Variants in TRPM3 observed in about 807,000 individuals in gnomAD.
The protein encoded by TRPM3 is transient receptor potential cation channel subfamily M member 3, also known as long transient receptor potential channel 3.
TRPM3 carries 77 observed loss-of-function variants against 181.2 expected under a neutral mutation model. The observed-to-expected ratio is 0.42, with a 90% CI of 0.35 to 0.51. The LOEUF (loss-of-function observed/expected upper bound fraction) is 0.51, where lower values mean the gene tolerates loss of function less well. TRPM3 is among the 20% of genes least tolerant of loss of function. The probability of loss-of-function intolerance (pLI) is 0.01; values close to 1 mark genes in which losing one functional copy is unlikely to be tolerated. For synonymous variants in TRPM3, 745 were observed against 796.4 expected, an observed-to-expected ratio of 0.94 and a Z score of 1.09; for missense variants, 1,759 against 2,196.7, an observed-to-expected ratio of 0.80 and a Z score of 3.98.
At chr9:70,644,593 C>T (rs2058535115) in intron 9 of TRPM3, among the ~76,000 whole-genome samples, 1 of 152,106 alleles carries the variant, frequency 6.6e-6, no homozygotes, top group African/African-American at 2.4e-5. Context: ...AAACCCACAG[C>T]CAATATCATA....
intron 5 of TRPM3, among the ~76,000 whole-genome samples, chr9:70,839,561 C>T (rs186605463): frequency 1.3e-5 from 2 of 152,144 alleles, no homozygotes; most frequent in South Asian, 2.1e-4. Context: ...TGAGAGCCAG[C>T]CCCACAAAAA....
intron 1 of TRPM3, among the ~76,000 whole-genome samples, chr9:71,348,869 C>A (rs1588613641): frequency 6.6e-6 from 1 of 152,252 alleles, no homozygotes; most frequent in Admixed American, 6.5e-5. Context: ...CTGTGCCCAG[C>A]CAGTTTTGAT....
intron 20 of TRPM3, among the ~76,000 whole-genome samples, chr9:70,598,983 C>T (rs2059445465): frequency 6.6e-6 from 1 of 152,158 alleles, no homozygotes. Flanking sequence ...CTTCCTTCAT[C>T]TCAGTAAACA....
At chr9:70,744,435 G>A (rs967891119) in intron 8 of TRPM3, among the ~76,000 whole-genome samples, 1 of 152,080 alleles carries the variant, frequency 6.6e-6, no homozygotes, top group African/African-American at 2.4e-5. Flanking sequence ...GTTCTGATGA[G>A]CTAGCATAAT....
intron 1 of TRPM3, among the ~76,000 whole-genome samples, chr9:71,369,879 GCT>G (rs1388482893): frequency 1.3e-5 from 2 of 152,170 alleles, no homozygotes; most frequent in Non-Finnish European, 2.9e-5. Flanking sequence ...AAGTCCAGCA[GCT>G]CTCTTTTTCC....
At chr9:71,179,264 C>A (rs2077266724) in intron 1 of TRPM3, among the ~76,000 whole-genome samples, 1 of 152,012 alleles carries the variant, frequency 6.6e-6, no homozygotes, top group African/African-American at 2.4e-5. Flanking sequence ...CACACTGGAC[C>A]TAAAAGAATT....
intron 1 of TRPM3, among the ~76,000 whole-genome samples, chr9:70,995,419 T>C (rs2134171861): frequency 6.6e-6 from 1 of 152,310 alleles, no homozygotes; most frequent in South Asian, 2.1e-4. Flanking sequence ...TGTTAGGTGA[T>C]TACTTTTAAA....
chr9:70,671,773 A>G (rs151214795), intron 9 of TRPM3, among the ~76,000 whole-genome samples: 57 of 152,048 alleles, frequency 3.7e-4, no homozygotes, highest in South Asian at 2.3e-3. Flanking sequence ...TTATTTATTT[A>G]TTCATTTTTG....
At chr9:71,044,937 C>G (rs1263891925) in intron 1 of TRPM3, among the ~76,000 whole-genome samples, 2 of 152,150 alleles carry the variant, frequency 1.3e-5, no homozygotes, top group African/African-American at 4.8e-5. Context: ...TCCCAAAGTG[C>G]TGGGATTACA....
At chr9:71,349,885 T>C (rs935051442) in intron 1 of TRPM3, among the ~76,000 whole-genome samples, 42 of 151,658 alleles carry the variant, frequency 2.8e-4, no homozygotes, top group Middle Eastern at 3.4e-3. Flanking sequence ...AAGCCTGGGA[T>C]CCATCACTCC....
intron 8 of TRPM3, among the ~76,000 whole-genome samples, chr9:70,746,281 G>C (rs2075141860): frequency 6.6e-6 from 1 of 152,130 alleles, no homozygotes; most frequent in East Asian, 1.9e-4. Flanking sequence ...GAGAGAGAGA[G>C]AGAGAGAGAG....
At chr9:70,618,584 A>G (rs2063144117) in intron 17 of TRPM3, among the ~76,000 whole-genome samples, 1 of 152,224 alleles carries the variant, frequency 6.6e-6, no homozygotes, top group Non-Finnish European at 1.5e-5. Flanking sequence ...CAGCCCCTGC[A>G]GTACCTGTGC....
intron 1 of TRPM3, among the ~76,000 whole-genome samples, chr9:71,007,462 G>A (rs1564957500): frequency 6.6e-6 from 1 of 152,158 alleles, no homozygotes; most frequent in East Asian, 1.9e-4. Context: ...AAAACTGTAT[G>A]TAAGGTCAGA....
chr9:70,838,304 C>T lies in TRPM3; in HGVS notation c.801+4699G>A, dbSNP rs183243162. Among the ~76,000 whole-genome samples the T allele has an allele frequency of 4.6e-5, 7 of 152,050 alleles. No individual in the cohort carries two copies. The East Asian group carries it at 9.7e-4, about 21-fold the overall frequency. On this transcript the variant is annotated intron_variant, in intron 5 of 25. Coordinates refer to ENST00000677713, the MANE Select transcript of TRPM3 (RefSeq NM_001366145.2). Reference sequence around the variant, plus strand: ...TATGTTGAAATTCAAATTTCCAAGGCGATAATGAGGAGAGGGGACCTTTGG... The same window carrying T: ...TATGTTGAAATTCAAATTTCCAAGGTGATAATGAGGAGAGGGGACCTTTGG...
intron 9 of TRPM3, among the ~76,000 whole-genome samples, chr9:70,679,566 G>T (rs1556958): frequency 0.65 from 98,525 of 151,502 alleles, 32,335 homozygotes; most frequent in African/African-American, 0.74. Context: ...AAAGGGATGC[G>T]TTTTTTATCT....
chr9:70,915,548 G>A lies in TRPM3; in HGVS notation c.178-51037C>T, dbSNP rs577237572. On this transcript the variant is annotated intron_variant, in intron 1 of 25. Transcript: ENST00000677713. ...TCTTGATCTCCTGACTTTGTGATCT[G>A]CCCGCCTTGGCCTCCCACAGTGCTG... Among the ~76,000 whole-genome samples the A allele has an allele frequency of 5.3e-5, 8 of 151,180 alleles. No individual in the cohort carries two copies. In the South Asian group the frequency reaches 6.3e-4, roughly 12 times the overall value.
At chr9:71,288,374 CAT>C (rs1486009698) in intron 1 of TRPM3, among the ~76,000 whole-genome samples, 1 of 151,964 alleles carries the variant, frequency 6.6e-6, no homozygotes, top group East Asian at 1.9e-4. Flanking sequence ...CATTATTTTT[CAT>C]ATGTGTATAT....
chr9:70,547,973 C>T lies in TRPM3; in HGVS notation c.3707+1569G>A, dbSNP rs78592633. Among the ~76,000 whole-genome samples, 1,322 of 152,334 alleles carry T rather than the reference C, an allele frequency of 8.7e-3. 33 individuals carry two copies. In the East Asian group the frequency reaches 0.098, roughly 11 times the overall value. On this transcript the variant is annotated intron_variant, in intron 25 of 25. Transcript: ENST00000677713. ...ACGTGTGCTGGTGCCTGCACCTCTT[C>T]GTTCTAGTTCCTCAGGGAGGCAAAG... is the stretch of plus-strand genomic sequence containing the variant.
intron 1 of TRPM3, among the ~76,000 whole-genome samples, chr9:71,403,648 T>A (rs894228517): frequency 1.3e-5 from 2 of 152,086 alleles, no homozygotes; most frequent in African/African-American, 4.8e-5. Context: ...AAAAAACGTA[T>A]ATGCATAAAG....
Sources: gnomAD v4.1 joint callset for allele counts (sites outside exome capture counted in the v4.1 genomes callset) on GRCh38, gnomAD v4.1.1 for gene constraint, MANE v1.5 for transcripts, NCBI Gene and HGNC (gene_info 2026-07-23, HGNC 2026-07-21) for gene names.